The following MDN1 variants were observed in gnomAD, a reference collection of about 807,000 sequenced individuals.
MDN1 encodes the protein midasin.
A neutral mutation model predicts 669.2 loss-of-function variants in MDN1; 266 were observed. The ratio of observed to expected loss-of-function variants is 0.40; its 90% CI spans 0.36 to 0.44. The LOEUF (loss-of-function observed/expected upper bound fraction) is 0.44, where lower values mean the gene tolerates loss of function less well. Ranked by LOEUF, MDN1 falls within the 20% of genes least tolerant of loss-of-function variation. The probability of loss-of-function intolerance (pLI) is 1.00; values close to 1 mark genes in which losing one functional copy is unlikely to be tolerated. For synonymous variants in MDN1, 2,385 were observed against 2,457.1 expected, an observed-to-expected ratio of 0.97 and a Z score of 0.87; for missense variants, 5,940 against 6,754.0, an observed-to-expected ratio of 0.88 and a Z score of 4.22.
At chr6:89,710,583 G>T in intron 50 of MDN1, 98 bp downstream of exon 50, 2 of 573,100 alleles carry the variant, frequency 3.5e-6, no homozygotes, top group Non-Finnish European at 2.9e-6. Context: ...AAAAAATACC[G>T]TTATGTTGAG....
chr6:89,737,627 T>A (rs74503801), intron 33 of MDN1, among the ~76,000 whole-genome samples: 1 of 152,070 alleles, frequency 6.6e-6, no homozygotes. Context: ...TCCTTGTGCC[T>A]GAGATTTTTC....
Position 89,785,104 on chromosome 6 carries a change from A to T in MDN1, c.1357T>A (p.Trp453Arg). The T allele has an allele frequency of 6.2e-7, 1 of 1,613,898 alleles. No homozygotes were observed. The change falls in exon 9 of 102, where the codon TGG becomes AGG. Residue 453 changes from tryptophan (W) to arginine (R), a missense_variant. Physicochemically the swap from Trp to Arg is moderately radical, Grantham distance 101. Around this residue, in one of 5 missense-constraint regions of MDN1, gnomAD observed 1,203 missense variants for 1,268.9 expected, o/e 0.95. Coordinates refer to ENST00000369393, the MANE Select transcript of MDN1 (RefSeq NM_014611.3). ...TRRLLSCGGN[W>R]YRPLNSHATL... ...GCATGACTGTTTAGCGGTCGATACC[A>T]ATTTCCTCCACAGCTCAAGAGTCTA...
intron 18 of MDN1, 73 bp downstream of exon 18, chr6:89,758,743 C>CA (rs1340067424): frequency 3.8e-4 from 563 of 1,488,892 alleles, no homozygotes; most frequent in East Asian, 2.3e-3. Context: ...CTAACAACAA[C>CA]AACAAAAAAT....
intron 30 of MDN1, 84 bp from the exon 31 acceptor site, chr6:89,743,364 T>C (rs1584301234): frequency 6.5e-7 from 1 of 1,534,072 alleles, no homozygotes. Context: ...TTTCCAGGGG[T>C]GAAGTAGGCA....
chr6:89,677,907 C>G (rs918231773), intron 75 of MDN1, among the ~76,000 whole-genome samples: 2 of 152,204 alleles, frequency 1.3e-5, no homozygotes, highest in South Asian at 4.1e-4. Context: ...CATGCACGTT[C>G]AAGTTTGAGA....
chr6:89,673,657 T>A (rs532957498), intron 79 of MDN1, 195 bp from the exon 80 acceptor site: 1 of 574,732 alleles, frequency 1.7e-6, no homozygotes. Flanking sequence ...TTTCATAATT[T>A]GATTCTATTA....
intron 93 of MDN1, 96 bp from the exon 94 acceptor site, chr6:89,653,251 CTTCA>C (rs1392422386): frequency 2.5e-6 from 3 of 1,205,938 alleles, no homozygotes; most frequent in South Asian, 1.5e-5. Context: ...ATTAATCAAA[CTTCA>C]TTCATTCACT....
chr6:89,768,300 T>C (rs1817904450), intron 15 of MDN1, among the ~76,000 whole-genome samples: 1 of 152,106 alleles, frequency 6.6e-6, no homozygotes, highest in Admixed American at 6.5e-5. Flanking sequence ...GTCTTTCCCA[T>C]GCTATTCTCA....
chr6:89,818,442 G>A (rs1030467116), intron 1 of MDN1, among the ~76,000 whole-genome samples: 1 of 151,684 alleles, frequency 6.6e-6, no homozygotes, highest in South Asian at 2.1e-4. Flanking sequence ...CAGACCAGTC[G>A]GGGCAACAAA....
chr6:89,692,582 T>A lies in MDN1; in HGVS notation c.10448A>T (p.Glu3483Val), dbSNP rs748665640. 2 of 1,614,222 alleles carry A rather than the reference T, an allele frequency of 1.2e-6. No homozygotes were observed. The highest frequency in any genetic ancestry group is 2.2e-5 in the East Asian group (1 of 44,878). ...KLILKRSGGK[E>V]LEGKGQKACP... ...GGCTTTCTGGCCCTTGCCTTCCAGC[T>A]CCTTTCCTCCTGAGCGCTTGAGGAT... Residue 3483 changes from glutamate (E) to valine (V), a missense_variant, in exon 63 of 102, where the codon GAG (glutamate) becomes GTG (valine). Glu to Val is a moderately radical substitution (Grantham distance 121). This residue lies in a region of MDN1 where 2,280 missense variants were observed against 2,576.3 expected (regional missense o/e 0.88). Transcript: ENST00000369393.
rs375277000 is a variant in MDN1 at position 89,787,877 on chromosome 6, T to C, written c.1311A>G (p.Gly437=). 2 of 1,613,182 alleles carry C rather than the reference T, an allele frequency of 1.2e-6. No homozygotes were observed. Among genetic ancestry groups the C allele is most frequent in the Non-Finnish European group, 1.7e-6 (2 of 1,179,896 alleles). ...GRGDCLKVAP[G]FQFFATRRLL... The stretch of plus-strand genomic sequence containing the variant: ...ACCTCCTGGTTGCAAAAAACTGAAA[T>C]CCAGGTGCCACTTTCAGACAGTCAC... The change falls in exon 8 of 102, where the codon GGA becomes GGG. Residue 437 remains glycine (G), a synonymous_variant. Transcript: ENST00000369393.
At chr6:89,687,990 AT>A in intron 67 of MDN1, 87 bp downstream of exon 67, 2 of 1,186,658 alleles carry the variant, frequency 1.7e-6, no homozygotes, top group Non-Finnish European at 2.5e-6. Context: ...CCAAACTATA[AT>A]TTTCTGTCTA....
Position 89,652,976 on chromosome 6 carries a change from T to C in MDN1, c.15825+16A>G. The C allele has an allele frequency of 6.2e-7, 1 of 1,608,758 alleles. No individual in the cohort carries two copies. The highest frequency in any genetic ancestry group is 8.5e-7 in the Non-Finnish European group (1 of 1,177,808). On this transcript the variant is annotated intron_variant, in intron 94 of 101. Transcript: ENST00000369393. ...ATTAACACTATATTAATGCAGTAATTTGTGAGTTTTACTACCTGGAAGATC... is the reference window on the plus strand; with the variant it reads ...ATTAACACTATATTAATGCAGTAATCTGTGAGTTTTACTACCTGGAAGATC...
intron 58 of MDN1, 119 bp downstream of exon 58, chr6:89,699,482 A>C (rs1434766039): frequency 1.7e-6 from 2 of 1,207,156 alleles, no homozygotes; most frequent in East Asian, 5.0e-5. Flanking sequence ...ATTCAAAAAA[A>C]CCTGAGGTTT....
At chr6:89,681,268 G>A (rs1222119320) in intron 73 of MDN1, among the ~76,000 whole-genome samples, 2 of 152,118 alleles carry the variant, frequency 1.3e-5, no homozygotes, top group Non-Finnish European at 2.9e-5. Flanking sequence ...CCGCCTCCCA[G>A]ATTCAAGTGA....
rs1386173859 is a variant in MDN1 at position 89,695,125 on chromosome 6, C to T, written c.9771+480G>A. On this transcript the variant is annotated intron_variant, in intron 61 of 101. Transcript: ENST00000369393. This position sits in a 1 kb window ranked among gnomAD's most constrained non-coding sequence, Gnocchi z 4.1. ...GCGGGTTCCTGTAATCCCAGCTACT[C>T]GGGAGGCTGAGGCAGAGAATTGCTT... 2.0e-5 allele frequency among the ~76,000 whole-genome samples: 3 copies of T among 151,982 alleles called. No individual in the cohort carries two copies. Among genetic ancestry groups the T allele is most frequent in the African/African-American group, 4.8e-5 (2 of 41,370 alleles).
At chr6:89,777,668 C>T (rs559153207) in intron 11 of MDN1, among the ~76,000 whole-genome samples, 138 of 152,272 alleles carry the variant, frequency 9.1e-4, no homozygotes, top group African/African-American at 3.2e-3. Flanking sequence ...CTATAGATAA[C>T]ACCACTATCG....
intron 53 of MDN1, 111 bp from the exon 54 acceptor site, chr6:89,702,172 C>T: frequency 9.5e-7 from 1 of 1,057,158 alleles, no homozygotes; most frequent in Non-Finnish European, 1.3e-6. Flanking sequence ...GGAAAAGACA[C>T]ACAACATAGG....
chr6:89,749,036 C>G lies in MDN1; in HGVS notation c.3762+187G>C, dbSNP rs1816818100. 2.0e-5 allele frequency among the ~76,000 whole-genome samples: 3 copies of G among 151,140 alleles called. No homozygotes were observed. In the South Asian group the frequency reaches 6.3e-4, roughly 32 times the overall value. ...CTATGATTGTGCCACTACACTCCAG[C>G]CAGGAGAGTAGAGTGAGACTGTGTC... On this transcript the variant is annotated intron_variant, in intron 26 of 101. Transcript: ENST00000369393.
Sources: allele counts gnomAD v4.1 joint callset (sites outside exome capture counted in the v4.1 genomes callset), GRCh38; gene constraint gnomAD v4.1.1; regional missense constraint gnomAD v4.1.1; non-coding constraint Gnocchi (gnomAD v3.1); transcripts MANE v1.5; gene names NCBI Gene and HGNC (gene_info 2026-07-23, HGNC 2026-07-21).